The following DDX24 variants were observed in gnomAD, a reference collection of about 807,000 sequenced individuals.
The protein encoded by DDX24 is ATP-dependent RNA helicase DDX24.
A neutral mutation model predicts 68.9 loss-of-function variants in DDX24; 24 were observed. That is an observed-to-expected ratio of 0.35 (90% CI 0.25 to 0.49). The LOEUF (loss-of-function observed/expected upper bound fraction) is 0.49. DDX24 is among the 20% of genes least tolerant of loss of function. The pLI, the probability that DDX24 is intolerant of heterozygous loss-of-function variation, is 0.99. For missense variants in DDX24, 989 were observed against 1,039.0 expected (o/e 0.95, Z 0.66); for synonymous variants, 395 against 385.2 (o/e 1.03, Z -0.30).
At chr14:94,068,542 C>T (rs1209586142) in intron 2 of DDX24, among the ~76,000 whole-genome samples, 1 of 152,148 alleles carries the variant, frequency 6.6e-6, no homozygotes, top group Admixed American at 6.5e-5. Flanking sequence ...ACATTTCATC[C>T]AACAACTGCA....
In DDX24 at chr14:94,062,730, CCTGACCGACCCAAAG is replaced by C; in HGVS notation, c.719-124_719-110del. 9 of 1,334,970 alleles carry C rather than the reference CCTGACCGACCCAAAG, an allele frequency of 6.7e-6. No individual in the cohort carries two copies. In the South Asian group the frequency reaches 1.1e-4, roughly 16 times the overall value. 82.7% of individuals were successfully genotyped at this position (1,334,970 alleles called of 1,614,324 possible). On this transcript the variant is annotated intron_variant, in intron 2 of 8. Coordinates refer to ENST00000621632, the MANE Select transcript of DDX24 (RefSeq NM_020414.4). The stretch of plus-strand genomic sequence containing the variant: ...ATAGAATAAGGTAGCCAAGTGCCAC[CCTGACCGACCCAAAG>C]CTCCTCCACTCTACACAGATTTCCC...
chr14:94,060,435 T>G lies in DDX24; in HGVS notation c.1576A>C (p.Thr526Pro). 1 of 1,614,198 alleles carries G rather than the reference T, an allele frequency of 6.2e-7. No individual in the cohort carries two copies. The highest frequency in any genetic ancestry group is 8.5e-7 in the Non-Finnish European group (1 of 1,180,032). Residue 526 changes from threonine (T) to proline (P), a missense_variant, in exon 5 of 9, where the codon ACC becomes CCC. Physicochemically the swap from Thr to Pro is conservative, Grantham distance 38. Coordinates refer to ENST00000621632, the MANE Select transcript of DDX24 (RefSeq NM_020414.4). ...APARILHKKH[T>P]KKMDKTAKLD... ...TTGGCTGTTTTATCCATTTTCTTGG[T>G]GTGCTTCTTATGAAGGATTCGAGCA...
chr14:94,062,836 G>T lies in DDX24; in HGVS notation c.719-215C>A, dbSNP rs1885625765. Reference sequence around the variant, plus strand: ...AAAAGTATGGCAGGCTAGCACTGAGGTCTTAGGTCACCAGTAACGAATTAC... The same window carrying T: ...AAAAGTATGGCAGGCTAGCACTGAGTTCTTAGGTCACCAGTAACGAATTAC... On this transcript the variant is annotated intron_variant, in intron 2 of 8. Transcript: ENST00000621632. Among the ~76,000 whole-genome samples the T allele has an allele frequency of 3.3e-5, 5 of 151,806 alleles. No individual in the cohort carries two copies. In the South Asian group the frequency reaches 1.0e-3, roughly 31 times the overall value.
At chr14:94,067,897 A>C (rs1885737455) in intron 2 of DDX24, among the ~76,000 whole-genome samples, 1 of 152,228 alleles carries the variant, frequency 6.6e-6, no homozygotes, top group Non-Finnish European at 1.5e-5. Flanking sequence ...TTAAAGTATA[A>C]AGTAAAAATC....
rs1289023751 is a variant in DDX24, at chr14:94,049,790, G to A, written c.*1401C>T. The stretch of plus-strand genomic sequence containing the variant: ...TGTGCCTGTAGTCCCAGCTACTTGG[G>A]AGGCTGAGGCGGGAGGACTGCCTGG... On this transcript the variant is annotated 3_prime_UTR_variant, in exon 9 of 9. Coordinates refer to ENST00000621632, the MANE Select transcript of DDX24 (RefSeq NM_020414.4). 2.4e-4 allele frequency: 36 copies of A among 152,144 alleles called. No individual in the cohort carries two copies. Among genetic ancestry groups the A allele is most frequent in the Admixed American group, 2.4e-3 (36 of 15,278 alleles). 9.4% of individuals were successfully genotyped at this position (152,144 alleles called of 1,614,324 possible). A position where few individuals can be genotyped will look rare whatever the true frequency, so the allele number is the denominator to read the frequency against.
At chr14:94,052,479 T>C (rs917118749) in intron 8 of DDX24, among the ~76,000 whole-genome samples, 2 of 152,220 alleles carry the variant, frequency 1.3e-5, no homozygotes, top group African/African-American at 2.4e-5. Context: ...TGGAAGTGCT[T>C]TGTCAGCTTG....
chr14:94,075,946 T>C (rs1193067909), intron 2 of DDX24, among the ~76,000 whole-genome samples: 1 of 152,092 alleles, frequency 6.6e-6, no homozygotes, highest in African/African-American at 2.4e-5. Flanking sequence ...ATTTTAAAAG[T>C]CTAAAATAAA....
chr14:94,080,710 C>CA (rs145750932), intron 1 of DDX24, among the ~76,000 whole-genome samples: 1,663 of 149,194 alleles, frequency 0.011, 47 homozygotes, highest in East Asian at 0.11. Flanking sequence ...AAACAAAAAA[C>CA]AAACAAAAAA....
rs532337323 is a variant in DDX24 at position 94,050,457 on chromosome 14, C to T, written c.*734G>A. 2.0e-5 allele frequency: 3 copies of T among 152,508 alleles called. No individual in the cohort carries two copies. Among genetic ancestry groups the T allele is most frequent in the South Asian group, 4.1e-4 (2 of 4,834 alleles). 9.4% of individuals were successfully genotyped at this position (152,508 alleles called of 1,614,324 possible). On this transcript the variant is annotated 3_prime_UTR_variant, in exon 9 of 9. Coordinates refer to ENST00000621632, the MANE Select transcript of DDX24 (RefSeq NM_020414.4). ...GCCTATTCTGCACAAAGGCTCAGGA[C>T]AAGAGAAGGGGTGCATGGAACCGTG...
intron 5 of DDX24, 116 bp downstream of exon 5, chr14:94,059,982 C>T (rs912389200): frequency 6.2e-5 from 77 of 1,234,062 alleles, no homozygotes; most frequent in Non-Finnish European, 8.2e-5. Flanking sequence ...CTACCTACTA[C>T]TGAGACAAGG....
At chr14:94,064,794 A>AG (rs1297710351) in intron 2 of DDX24, among the ~76,000 whole-genome samples, 4 of 152,238 alleles carry the variant, frequency 2.6e-5, no homozygotes, top group Admixed American at 6.5e-5. Context: ...GCTGAACCTG[A>AG]GGAAGGTGTT....
At chr14:94,064,809 G>C (rs900934235) in intron 2 of DDX24, among the ~76,000 whole-genome samples, 14 of 152,190 alleles carry the variant, frequency 9.2e-5, no homozygotes, top group African/African-American at 3.4e-4. Flanking sequence ...GGTGTTGTGG[G>C]AATACCCAAT....
At chr14:94,071,581 C>T (rs767026481) in intron 2 of DDX24, among the ~76,000 whole-genome samples, 15 of 152,010 alleles carry the variant, frequency 9.9e-5, no homozygotes, top group Non-Finnish European at 1.8e-4. Flanking sequence ...ACCTGGGAAG[C>T]GGAGGTTGCA....
chr14:94,063,947 A>T (rs1390353399), intron 2 of DDX24, among the ~76,000 whole-genome samples: 1 of 151,920 alleles, frequency 6.6e-6, no homozygotes, highest in African/African-American at 2.4e-5. Flanking sequence ...TCTTATTTAA[A>T]CATCTTTAAA....
chr14:94,064,935 T>A (rs1227268883), intron 2 of DDX24, among the ~76,000 whole-genome samples: 1 of 152,198 alleles, frequency 6.6e-6, no homozygotes, highest in African/African-American at 2.4e-5. Flanking sequence ...AGGTAGATAG[T>A]GTCTGAATTG....
chr14:94,055,341 C>G, intron 6 of DDX24, 157 bp from the exon 7 acceptor site: 3 of 693,096 alleles, frequency 4.3e-6, no homozygotes, highest in Non-Finnish European at 7.1e-6. Flanking sequence ...CTCTCTTAGT[C>G]CCACATTCAA....
rs1370351556 is a variant in DDX24 at position 94,075,183 on chromosome 14, G to C, written c.718+3842C>G. On this transcript the variant is annotated intron_variant, in intron 2 of 8. Coordinates refer to ENST00000621632, the MANE Select transcript of DDX24 (RefSeq NM_020414.4). The stretch of plus-strand genomic sequence containing the variant: ...TCTAAAATCCATATGGAAGGGCAAA[G>C]GCCTACAACAGTCAAAATAACTTTT... Among the ~76,000 whole-genome samples, 12 of 152,230 alleles carry C rather than the reference G, an allele frequency of 7.9e-5. No homozygotes were observed. The East Asian group carries it at 2.3e-3, about 29-fold the overall frequency.
At chr14:94,071,645 G>C (rs1479111664) in intron 2 of DDX24, among the ~76,000 whole-genome samples, 1 of 147,460 alleles carries the variant, frequency 6.8e-6, no homozygotes, top group Non-Finnish European at 1.5e-5. Context: ...GTGAGCCTTT[G>C]ACTTAAAAAA....
Position 94,062,449 on chromosome 14 carries a change from T to C in DDX24, c.891A>G (p.Ala297=). Residue 297 remains alanine (A), a synonymous_variant, in exon 3 of 9, where the codon GCA becomes GCG. Coordinates refer to ENST00000621632, the MANE Select transcript of DDX24 (RefSeq NM_020414.4). The part of the protein sequence containing the change: ...SPGKAEAESD[A]LPDDTVIESE... The stretch of plus-strand genomic sequence containing the variant: ...TCTCAATTACAGTATCGTCAGGCAA[T>C]GCATCAGACTCAGCTTCAGCCTTGC... 1 of 1,614,164 alleles carries C rather than the reference T, an allele frequency of 6.2e-7. No homozygotes were observed.
Sources: allele counts gnomAD v4.1 joint callset (sites outside exome capture counted in the v4.1 genomes callset), GRCh38; gene constraint gnomAD v4.1.1; transcripts MANE v1.5; gene names NCBI Gene and HGNC (gene_info 2026-07-23, HGNC 2026-07-21).